Variants in ILRUN observed in about 807,000 individuals in gnomAD.
ILRUN encodes the protein protein ILRUN.
A neutral mutation model predicts 33.8 loss-of-function variants in ILRUN; 3 were observed. The observed-to-expected ratio is 0.09, with a 90% CI of 0.04 to 0.23. The LOEUF (loss-of-function observed/expected upper bound fraction) is 0.23, where lower values mean the gene tolerates loss of function less well. Ranked by LOEUF, ILRUN falls within the 10% of genes least tolerant of loss-of-function variation. The pLI is 1.00. For synonymous variants in ILRUN, 124 were observed against 138.9 expected (o/e 0.89, Z 0.75); for missense variants, 210 against 375.1 (o/e 0.56, Z 3.64).
At chr6:34,691,364 T>C (rs1763645939) in intron 1 of ILRUN, among the ~76,000 whole-genome samples, 1 of 152,226 alleles carries the variant, frequency 6.6e-6, no homozygotes, top group Admixed American at 6.5e-5. Flanking sequence ...ATTTATTCAC[T>C]TTACATACTC....
intron 3 of ILRUN, among the ~76,000 whole-genome samples, chr6:34,644,440 C>T (rs1266990606): frequency 6.6e-6 from 1 of 151,944 alleles, no homozygotes; most frequent in Non-Finnish European, 1.5e-5. Context: ...ACGTAAAGTG[C>T]CAAGAGAAGA....
chr6:34,663,777 T>C (rs990794893), intron 1 of ILRUN, among the ~76,000 whole-genome samples: 4 of 152,236 alleles, frequency 2.6e-5, no homozygotes, highest in African/African-American at 7.2e-5. Flanking sequence ...TAGAATATCA[T>C]GTTTCAGAAC....
At chr6:34,678,194 C>T (rs905098299) in intron 1 of ILRUN, among the ~76,000 whole-genome samples, 3 of 152,118 alleles carry the variant, frequency 2.0e-5, no homozygotes, top group African/African-American at 4.8e-5. Flanking sequence ...TGCCCACCAC[C>T]AGGCCCGGCT....
chr6:34,683,355 T>A (rs1380009270), intron 1 of ILRUN, among the ~76,000 whole-genome samples: 1 of 148,076 alleles, frequency 6.8e-6, no homozygotes, highest in Non-Finnish European at 1.5e-5. Context: ...ATATATAATT[T>A]TACATACATA....
intron 1 of ILRUN, among the ~76,000 whole-genome samples, chr6:34,691,595 G>C (rs1002215923): frequency 1.3e-5 from 2 of 152,120 alleles, no homozygotes; most frequent in Admixed American, 6.5e-5. Context: ...AGGGGTTCGA[G>C]ACCAGCCTGG....
rs777219979 is a variant in ILRUN, at chr6:34,590,552, T to C, written c.*13A>G. 6.2e-7 allele frequency: 1 copy of C among 1,614,046 alleles called. No individual in the cohort carries two copies. Among genetic ancestry groups the C allele is most frequent in the Non-Finnish European group, 8.5e-7 (1 of 1,179,910 alleles). ...TCTGTCTTTTGTTAATTTTTCTTCT[T>C]GCTGACACCCGTTTAAGACTGGCCG... On this transcript the variant is annotated 3_prime_UTR_variant, in exon 5 of 5. Coordinates refer to ENST00000374023, the MANE Select transcript of ILRUN (RefSeq NM_024294.4).
intron 1 of ILRUN, among the ~76,000 whole-genome samples, chr6:34,680,402 TTTTG>T (rs772099653): frequency 1.4e-4 from 22 of 152,198 alleles, no homozygotes; most frequent in Non-Finnish European, 2.5e-4. Flanking sequence ...TCGCTTATTT[TTTTG>T]TTTATTTGTT....
chr6:34,642,301 A>G (rs1181452553), intron 3 of ILRUN, among the ~76,000 whole-genome samples: 1 of 152,192 alleles, frequency 6.6e-6, no homozygotes, highest in Non-Finnish European at 1.5e-5. Context: ...TAATAGCAGA[A>G]ACAACAGCCA....
chr6:34,614,378 C>T (rs542744379), intron 3 of ILRUN, among the ~76,000 whole-genome samples: 3 of 149,478 alleles, frequency 2.0e-5, no homozygotes, highest in Non-Finnish European at 4.4e-5. Context: ...GCAGAGGCCA[C>T]GCCACTGCAC....
At chr6:34,676,037 C>T (rs1763221712) in intron 1 of ILRUN, among the ~76,000 whole-genome samples, 1 of 152,018 alleles carries the variant, frequency 6.6e-6, no homozygotes, top group Non-Finnish European at 1.5e-5. Context: ...TCCAATGCAT[C>T]CAGTCAAAAA....
At chr6:34,690,945 C>T (rs1356685928) in intron 1 of ILRUN, among the ~76,000 whole-genome samples, 10 of 152,086 alleles carry the variant, frequency 6.6e-5, no homozygotes, top group Admixed American at 5.9e-4. Flanking sequence ...AGTGCAGTGG[C>T]GTGATCTCGG....
chr6:34,692,323 C>T (rs1692418717), intron 1 of ILRUN, among the ~76,000 whole-genome samples: 1 of 152,192 alleles, frequency 6.6e-6, no homozygotes, highest in South Asian at 2.1e-4. Flanking sequence ...TAATTTACCA[C>T]ATTATTTTCT....
chr6:34,606,717 G>A lies in ILRUN; in HGVS notation c.699C>T (p.Ser233=), dbSNP rs146278037. 2.8e-5 allele frequency: 45 copies of A among 1,614,036 alleles called. No homozygotes were observed. Among genetic ancestry groups the A allele is most frequent in the East Asian group, 1.6e-4 (7 of 44,892 alleles). Residue 233 remains serine (S), a synonymous_variant, in exon 4 of 5, where the codon TCC becomes TCT. Transcript: ENST00000374023. ...DENNLKDPGG[S]EFDSISKNTW... is the part of the protein sequence containing the mutation. Reference sequence around the variant, plus strand: ...TGTTTTTGCTGATCGAGTCGAACTCGGAGCCCCCAGGGTCTTTTAAGTTGT... The same window carrying A: ...TGTTTTTGCTGATCGAGTCGAACTCAGAGCCCCCAGGGTCTTTTAAGTTGT...
intron 1 of ILRUN, among the ~76,000 whole-genome samples, chr6:34,679,013 A>G (rs999018711): frequency 1.3e-4 from 20 of 151,900 alleles, no homozygotes; most frequent in Admixed American, 4.6e-4. Flanking sequence ...GAGGAGGGTG[A>G]GGATCGAAAA....
chr6:34,658,681 C>T (rs899494931), intron 1 of ILRUN, among the ~76,000 whole-genome samples: 23 of 151,870 alleles, frequency 1.5e-4, no homozygotes, highest in Middle Eastern at 6.8e-3. Flanking sequence ...GTCGTGGGCG[C>T]CTGTAATCCC....
rs759060714 is a variant in ILRUN, at chr6:34,633,475, A to G, written c.511+13126T>C. 7.7e-4 allele frequency among the ~76,000 whole-genome samples: 117 copies of G among 152,156 alleles called. 1 individual carries two copies. The highest frequency in any genetic ancestry group is 1.6e-3 in the Non-Finnish European group (110 of 68,030). On this transcript the variant is annotated intron_variant, in intron 3 of 4. Coordinates refer to ENST00000374023, the MANE Select transcript of ILRUN (RefSeq NM_024294.4). ...TATAGAACACTCAACTCAGCAAAATACACATGCTTTTGAAGTACGCATGGA... is the reference window on the plus strand; with the variant it reads ...TATAGAACACTCAACTCAGCAAAATGCACATGCTTTTGAAGTACGCATGGA...
At chr6:34,626,354 G>T (rs1762129933) in intron 3 of ILRUN, among the ~76,000 whole-genome samples, 1 of 151,938 alleles carries the variant, frequency 6.6e-6, no homozygotes, top group African/African-American at 2.4e-5. Flanking sequence ...AAATTTTTTT[G>T]TAGAGATGGG....
intron 3 of ILRUN, among the ~76,000 whole-genome samples, chr6:34,613,415 T>A (rs1232649368): frequency 2.0e-5 from 3 of 152,202 alleles, no homozygotes; most frequent in Non-Finnish European, 4.4e-5. Flanking sequence ...AAAGCTAGCA[T>A]CAGAGGTCAA....
intron 3 of ILRUN, among the ~76,000 whole-genome samples, chr6:34,630,118 G>A (rs1227669601): frequency 1.3e-5 from 2 of 152,086 alleles, no homozygotes; most frequent in African/African-American, 2.4e-5. Flanking sequence ...CCCAACAGTC[G>A]ATCTGATAAC....
Sources: gnomAD v4.1 joint callset for allele counts (sites outside exome capture counted in the v4.1 genomes callset) on GRCh38, gnomAD v4.1.1 for gene constraint, MANE v1.5 for transcripts, NCBI Gene and HGNC (gene_info 2026-07-23, HGNC 2026-07-21) for gene names.